The following MPDZ variants were observed in gnomAD, a reference collection of about 807,000 sequenced individuals.
MPDZ encodes the protein multiple PDZ domain protein.
In MPDZ, 234 loss-of-function variants were observed where a neutral mutation model predicts 239.1. The observed-to-expected ratio is 0.98, with a 90% CI of 0.88 to 1.09. The LOEUF is 1.09. Among genes scored for constraint, MPDZ ranks in the 50% least tolerant of loss-of-function variants. The probability of loss-of-function intolerance (pLI) is 0.00; values close to 1 mark genes in which losing one functional copy is unlikely to be tolerated. For missense variants in MPDZ, 3,175 were observed against 2,510.0 expected (o/e 1.26, Z -5.66); for synonymous variants, 1,048 against 881.3 (o/e 1.19, Z -3.35).
chr9:13,136,389 TG>T (rs1946804618), intron 30 of MPDZ, among the ~76,000 whole-genome samples: 1 of 142,304 alleles, frequency 7.0e-6, no homozygotes, highest in Non-Finnish European at 1.5e-5. Flanking sequence ...TGGAGTGTAG[TG>T]GCACAGTCTC....
intron 3 of MPDZ, among the ~76,000 whole-genome samples, chr9:13,238,177 G>C (rs190550713): frequency 6.6e-6 from 1 of 152,320 alleles, no homozygotes; most frequent in East Asian, 1.9e-4. Flanking sequence ...AGCTTGCACA[G>C]GTGAATGCCA....
At position 13,136,136 on chromosome 9, in the gene MPDZ, C is replaced by A. The variant is rs745519525; in HGVS notation, c.4339G>T (p.Val1447Leu). 5.0e-6 allele frequency: 8 copies of A among 1,612,916 alleles called. No homozygotes were observed. The Admixed American group carries it at 1.3e-4, about 27-fold the overall frequency. The change falls in exon 31 of 47, where the codon GTA becomes TTA. Residue 1447 changes from valine to leucine, a missense_variant. Physicochemically the swap from Val to Leu is conservative, Grantham distance 32. Coordinates refer to ENST00000319217, the MANE Select transcript of MPDZ (RefSeq NM_001378778.1). ...NQMAVCPGNA[V>L]EPLPSNSENL... is the part of the protein sequence containing the mutation. ...TCTGAGTTAGAAGGCAAAGGTTCTA[C>A]TGCATTTCCAGGACATACGGCCATC...
chr9:13,165,514 G>A (rs1950969705), intron 22 of MPDZ: 1 of 1,383,052 alleles, frequency 7.2e-7, no homozygotes, highest in South Asian at 1.4e-5. Flanking sequence ...AAAAGTGGGT[G>A]CTCCTGGTTG....
chr9:13,279,282 C>T (rs1480566130), intron 1 of MPDZ, 118 bp downstream of exon 1: 3 of 134,228 alleles, frequency 2.2e-5, no homozygotes, highest in Non-Finnish European at 3.3e-5. Flanking sequence ...CCCATCCCCG[C>T]CCCCACCCCC....
intron 10 of MPDZ, among the ~76,000 whole-genome samples, chr9:13,215,945 G>GTTT (rs71331531): frequency 1.9e-4 from 16 of 82,632 alleles, no homozygotes; most frequent in Admixed American, 2.8e-4. Flanking sequence ...TCAGCAATTT[G>GTTT]TTTTTTTTTT....
At chr9:13,109,267 T>C (rs1942014873) in intron 45 of MPDZ, among the ~76,000 whole-genome samples, 1 of 152,126 alleles carries the variant, frequency 6.6e-6, no homozygotes, top group African/African-American at 2.4e-5. Flanking sequence ...GAAATCCTAC[T>C]TAACACCCTA....
chr9:13,172,815 G>A (rs1024782431), intron 21 of MPDZ, among the ~76,000 whole-genome samples: 10 of 152,130 alleles, frequency 6.6e-5, no homozygotes, highest in Admixed American at 2.0e-4. Context: ...ACCTTTCACT[G>A]TTTTCTTCCA....
intron 3 of MPDZ, among the ~76,000 whole-genome samples, chr9:13,241,839 A>G (rs1352749620): frequency 1.3e-5 from 2 of 152,204 alleles, no homozygotes; most frequent in African/African-American, 4.8e-5. Context: ...ACAAATCTGT[A>G]TCTACAGAAT....
In MPDZ at chr9:13,190,115, T is replaced by C. The variant is rs1388893587; in HGVS notation, c.2153A>G (p.Gln718Arg). The C allele has an allele frequency of 3.1e-6, 5 of 1,610,924 alleles. No homozygotes were observed. Among genetic ancestry groups the C allele is most frequent in the Non-Finnish European group, 3.4e-6 (4 of 1,178,428 alleles). The change falls in exon 16 of 47, where the codon CAG becomes CGG. Residue 718 changes from glutamine to arginine, a missense_variant and splice_region_variant. Physicochemically the swap from Gln to Arg is conservative, Grantham distance 43 (BLOSUM62 1). Transcript: ENST00000319217. ...TTGTTAAAAGTAGTATATACTTACC[T>C]GATAATCTAAAATGCTAAAACCAAG... ...KGLGFSILDY[Q>R]DPIDPASTVI...
chr9:13,191,920 G>T (rs1180358072), intron 15 of MPDZ, among the ~76,000 whole-genome samples: 1 of 152,092 alleles, frequency 6.6e-6, no homozygotes, highest in Non-Finnish European at 1.5e-5. Context: ...AGAAAACTGA[G>T]GTTCAGAAAG....
chr9:13,169,086 A>G (rs1363264913), intron 21 of MPDZ, among the ~76,000 whole-genome samples: 1 of 152,184 alleles, frequency 6.6e-6, no homozygotes, highest in African/African-American at 2.4e-5. Context: ...ATAGCACAGA[A>G]TTCCTAACAT....
chr9:13,245,251 A>AT (rs1335250755), intron 3 of MPDZ, among the ~76,000 whole-genome samples: 2 of 151,968 alleles, frequency 1.3e-5, no homozygotes, highest in African/African-American at 2.4e-5. Context: ...AAGTTTTTAA[A>AT]TTTTTACTCT....
chr9:13,176,350 T>C lies in MPDZ; in HGVS notation c.2717A>G (p.Gln906Arg). 1 of 1,607,722 alleles carries C rather than the reference T, an allele frequency of 6.2e-7. No homozygotes were observed. Among genetic ancestry groups the C allele is most frequent in the Non-Finnish European group, 8.5e-7 (1 of 1,176,624 alleles). The change falls in exon 20 of 47, where the codon CAG becomes CGG. Residue 906 changes from glutamine to arginine, a missense_variant. Transcript: ENST00000319217. ...LHMSLEELYT[Q>R]NLLQRQDENT... Reference sequence around the variant, plus strand: ...CTCATCCTGTCTTTGCAGGAGATTCTGGGTATATAGTTCCTCCAGAGACAT... The same window carrying C: ...CTCATCCTGTCTTTGCAGGAGATTCCGGGTATATAGTTCCTCCAGAGACAT...
At chr9:13,228,636 C>G (rs1336266064) in intron 3 of MPDZ, among the ~76,000 whole-genome samples, 1 of 152,104 alleles carries the variant, frequency 6.6e-6, no homozygotes, top group Non-Finnish European at 1.5e-5. Flanking sequence ...TGCCAACATA[C>G]CATAGCCATT....
intron 22 of MPDZ, among the ~76,000 whole-genome samples, chr9:13,163,486 C>T (rs1013437994): frequency 1.3e-5 from 2 of 152,126 alleles, no homozygotes; most frequent in Non-Finnish European, 2.9e-5. Flanking sequence ...GCCTATTATG[C>T]GGAAGACACT....
At chr9:13,251,128 C>CAAAAAAAAAAAAAAAAAAAAAAA (rs150252589) in intron 1 of MPDZ, among the ~76,000 whole-genome samples, 1 of 36,448 alleles carries the variant, frequency 2.7e-5, no homozygotes, top group Non-Finnish European at 4.8e-5. Flanking sequence ...GACTCCATCT[C>CAAAAAAAAAAAAAAAAAAAAAAA]AAAAAAAAAA....
chr9:13,221,515 C>A lies in MPDZ; in HGVS notation c.748-15G>T. The A allele has an allele frequency of 6.2e-7, 1 of 1,602,970 alleles. No homozygotes were observed. On this transcript the variant is annotated splice_polypyrimidine_tract_variant and intron_variant, in intron 6 of 46. Transcript: ENST00000319217. ...TGCCAGTGAACCTACAAACAAAGCT[C>A]ATATATGAATTTGTAGAAATTTACA...
At position 13,162,748 on chromosome 9, in the gene MPDZ, A is replaced by G. The variant is rs768539959; in HGVS notation, c.3302T>C (p.Leu1101Ser). Reference protein sequence around the residue: ...AEHLEEFKISLGQQSGRVMAL... With the variant: ...AEHLEEFKISSGQQSGRVMAL... ...CATTACTCTTCCAGATTGTTGTCCC[A>G]AGCTTATTTTGAACTCTTCCAAATG... The change falls in exon 23 of 47, where the codon TTG becomes TCG. Residue 1101 changes from leucine (L) to serine (S), a missense_variant. Physicochemically the swap from Leu to Ser is moderately radical, Grantham distance 145. Coordinates refer to ENST00000319217, the MANE Select transcript of MPDZ (RefSeq NM_001378778.1). 3.1e-6 allele frequency: 5 copies of G among 1,611,560 alleles called. No homozygotes were observed. In the South Asian group the frequency reaches 5.5e-5, roughly 18 times the overall value.
chr9:13,208,391 G>A (rs941752822), intron 10 of MPDZ, among the ~76,000 whole-genome samples: 1 of 151,684 alleles, frequency 6.6e-6, no homozygotes, highest in Non-Finnish European at 1.5e-5. Flanking sequence ...AGGCTGCAGT[G>A]AGCCATGATC....
Sources: allele counts gnomAD v4.1 joint callset (sites outside exome capture counted in the v4.1 genomes callset), GRCh38; gene constraint gnomAD v4.1.1; transcripts MANE v1.5; gene names NCBI Gene and HGNC (gene_info 2026-07-23, HGNC 2026-07-21).